Variants in CCDC7 observed in about 807,000 individuals in gnomAD.
CCDC7 encodes coiled-coil domain containing 7.
A neutral mutation model predicts 196.9 loss-of-function variants in CCDC7; 183 were observed. The observed-to-expected ratio is 0.93, with a 90% confidence interval of 0.82 to 1.05. The LOEUF is 1.05. Among genes scored for constraint, CCDC7 ranks in the 50% least tolerant of loss-of-function variants. CCDC7 has a pLI of 0.00. For synonymous variants in CCDC7, 525 were observed against 484.6 expected, an observed-to-expected ratio of 1.08 and a Z score of -1.10; for missense variants, 1,540 against 1,482.2, an observed-to-expected ratio of 1.04 and a Z score of -0.64.
At chr10:32,869,097 C>G (rs2094326565) in intron 41 of CCDC7, among the ~76,000 whole-genome samples, 1 of 152,108 alleles carries the variant, frequency 6.6e-6, no homozygotes, top group Non-Finnish European at 1.5e-5. Context: ...AATGGGATTG[C>G]TGGGTCAAAT....
chr10:32,641,617 G>C lies in CCDC7; in HGVS notation c.2014+6459G>C, dbSNP rs527334202. Among the ~76,000 whole-genome samples the C allele has an allele frequency of 8.6e-4, 131 of 152,314 alleles. 1 individual carries two copies. The highest frequency in any genetic ancestry group is 2.9e-3 in the African/African-American group (119 of 41,582). The stretch of plus-strand genomic sequence containing the variant: ...TTCGAACTTCCTCCTTTAGCTTGGA[G>C]TAGTTTGATCGTCTGAAGCCTTCTT... On this transcript the variant is annotated intron_variant, in intron 20 of 41. Coordinates refer to ENST00000639629, the Ensembl canonical transcript of CCDC7.
At chr10:32,879,796 C>A (rs1002023112), downstream of CCDC7, among the ~76,000 whole-genome samples, 5 of 145,230 alleles carry the variant, frequency 3.4e-5, no homozygotes, top group Non-Finnish European at 7.5e-5. Flanking sequence ...TAAGTGAGAA[C>A]CTGTGGTGAT....
chr10:32,830,120 G>GTATATATATATATATATATATA (rs2091944455), intron 32 of CCDC7, among the ~76,000 whole-genome samples: 1 of 10,740 alleles, frequency 9.3e-5, no homozygotes, highest in Non-Finnish European at 6.2e-4. Context: ...ATATATATAA[G>GTATATATATATATATATATATA]GATATATATA....
intron 41 of CCDC7, among the ~76,000 whole-genome samples, chr10:32,857,412 A>G (rs2093795143): frequency 6.6e-6 from 1 of 152,224 alleles, no homozygotes; most frequent in Non-Finnish European, 1.5e-5. Flanking sequence ...CAAGAAGATT[A>G]AGAATATACC....
At chr10:32,485,381 C>G (rs936584316) in intron 8 of CCDC7, among the ~76,000 whole-genome samples, 1 of 152,108 alleles carries the variant, frequency 6.6e-6, no homozygotes, top group Admixed American at 6.5e-5. Context: ...TGATTCTTCT[C>G]TCTTTTCTTC....
chr10:32,462,879 G>A, intron 4 of CCDC7, 138 bp from the exon 6 acceptor site: 2 of 1,370,814 alleles, frequency 1.5e-6, no homozygotes, highest in Admixed American at 2.4e-5. Context: ...TGAATCCCAA[G>A]TGATGTTTCG....
chr10:32,444,850 GTTTT>G (rs59116319), upstream of CCDC7, among the ~76,000 whole-genome samples: 52 of 140,320 alleles, frequency 3.7e-4, no homozygotes, highest in African/African-American at 1.4e-3. Flanking sequence ...ATGCCTTCAT[GTTTT>G]TTTTTTTTTT....
At chr10:32,493,535 T>G (rs113231425) in intron 9 of CCDC7, among the ~76,000 whole-genome samples, 4 of 151,920 alleles carry the variant, frequency 2.6e-5, no homozygotes, top group African/African-American at 9.7e-5. Flanking sequence ...TTTATCCCAT[T>G]TCCTTTAGAT....
intron 20 of CCDC7, among the ~76,000 whole-genome samples, chr10:32,640,736 C>T (rs1457147662): frequency 4.6e-5 from 7 of 151,934 alleles, no homozygotes; most frequent in South Asian, 2.1e-4. Flanking sequence ...TTTGCTTGTC[C>T]GTAAAGGATT....
At chr10:32,568,918 T>C (rs1341067374) in intron 15 of CCDC7, among the ~76,000 whole-genome samples, 1 of 152,254 alleles carries the variant, frequency 6.6e-6, no homozygotes, top group Non-Finnish European at 1.5e-5. Context: ...TTTGCTTGTC[T>C]ATATGGCTGC....
intron 28 of CCDC7, among the ~76,000 whole-genome samples, chr10:32,767,495 T>C (rs1183200248): frequency 6.6e-6 from 1 of 152,126 alleles, no homozygotes; most frequent in Non-Finnish European, 1.5e-5. Flanking sequence ...TTTAAAAATT[T>C]ATTTGTGAAG....
chr10:32,507,907 C>A (rs1293394611), intron 9 of CCDC7, among the ~76,000 whole-genome samples: 1 of 152,204 alleles, frequency 6.6e-6, no homozygotes, highest in Admixed American at 6.5e-5. Context: ...TAGCCTACAG[C>A]TAACATTACA....
At chr10:32,458,094 T>C (rs1023047365) in intron 3 of CCDC7, among the ~76,000 whole-genome samples, 10 of 152,154 alleles carry the variant, frequency 6.6e-5, no homozygotes, top group African/African-American at 2.4e-4. Flanking sequence ...ATGCATAAAA[T>C]ATTTTCTCAG....
Position 32,472,472 on chromosome 10 carries a change from C to CTT in CCDC7, c.678-7_678-6dup. On this transcript the variant is annotated splice_polypyrimidine_tract_variant and intron_variant, in intron 6 of 41. Transcript: ENST00000639629. The stretch of plus-strand genomic sequence containing the variant: ...ATTAAAAAATATTTCATTTATCGAA[C>CTT]TTTAACAGGGATAAAGAAAATCGAC... 6.4e-7 allele frequency: 1 copy of CTT among 1,571,718 alleles called. No individual in the cohort carries two copies. Among genetic ancestry groups the CTT allele is most frequent in the Non-Finnish European group, 8.6e-7 (1 of 1,160,796 alleles).
chr10:32,474,121 G>A (rs1240931764), intron 8 of CCDC7, 98 bp downstream of exon 9: 1 of 1,218,344 alleles, frequency 8.2e-7, no homozygotes, highest in East Asian at 3.3e-5. Flanking sequence ...CAGACTCCTT[G>A]CCTTGGAGTT....
intron 33 of CCDC7, among the ~76,000 whole-genome samples, chr10:32,837,172 T>C (rs1172387335): frequency 6.6e-6 from 1 of 151,894 alleles, no homozygotes; most frequent in African/African-American, 2.4e-5. Flanking sequence ...TGCAATCTAC[T>C]CATCTGACGA....
chr10:32,782,779 G>T (rs538986617), intron 29 of CCDC7, among the ~76,000 whole-genome samples: 100 of 152,314 alleles, frequency 6.6e-4, no homozygotes, highest in African/African-American at 2.3e-3. Flanking sequence ...TCAAAAGAGT[G>T]ATATACTGGC....
intron 20 of CCDC7, among the ~76,000 whole-genome samples, chr10:32,652,501 CT>C (rs1240330195): frequency 6.6e-6 from 1 of 151,816 alleles, no homozygotes; most frequent in East Asian, 1.9e-4. Context: ...TACTTTCTGT[CT>C]TCTTTTGTGG....
intron 11 of CCDC7, among the ~76,000 whole-genome samples, chr10:32,524,281 C>G (rs950864511): frequency 6.6e-6 from 1 of 152,092 alleles, no homozygotes; most frequent in Non-Finnish European, 1.5e-5. Flanking sequence ...CATAAAAACT[C>G]TACGCTTTAA....
Sources: gnomAD v4.1 joint callset for allele counts (sites outside exome capture counted in the v4.1 genomes callset) on GRCh38, gnomAD v4.1.1 for gene constraint, MANE v1.5 for transcripts, NCBI Gene and HGNC (gene_info 2026-07-23, HGNC 2026-07-21) for gene names.